ASH1L: variants seen among roughly 807,000 people sequenced by gnomAD.
The protein encoded by ASH1L is histone-lysine N-methyltransferase ASH1L.
Under a neutral mutation model 269.0 loss-of-function variants are expected in ASH1L, and 23 were observed. The ratio of observed to expected loss-of-function variants is 0.09; its 90% CI spans 0.06 to 0.12. The LOEUF (loss-of-function observed/expected upper bound fraction) is 0.12, where lower values mean the gene tolerates loss of function less well. Ranked by LOEUF, ASH1L falls within the 10% of genes least tolerant of loss-of-function variation. The pLI is 1.00. For synonymous variants in ASH1L, 1,187 were observed against 1,253.5 expected (o/e 0.95, Z 1.12); for missense variants, 2,912 against 3,567.8 (o/e 0.82, Z 4.68).
rs1239124643 is a variant in ASH1L at position 155,479,218 on chromosome 1, A to G, written c.3652T>C (p.Cys1218Arg). The change falls in exon 3 of 28, where the codon TGT becomes CGT. Residue 1218 changes from cysteine (C) to arginine (R), a missense_variant. By Grantham distance (180) the Cys-to-Arg change is radical. This residue lies in a region of ASH1L where 789 missense variants were observed against 897.6 expected (regional missense o/e 0.88). Transcript: ENST00000392403. Reference protein sequence around the residue: ...NSTSDRAEKFCGQKKRRHSFE... With the variant: ...NSTSDRAEKFRGQKKRRHSFE... Reference sequence around the variant, plus strand: ...GAATGCCTCCTCTTTTTTTGCCCACAAAATTTCTCTGCCCTGTCTGATGTG... The same window carrying G: ...GAATGCCTCCTCTTTTTTTGCCCACGAAATTTCTCTGCCCTGTCTGATGTG... 1 of 1,613,942 alleles carries G rather than the reference A, an allele frequency of 6.2e-7. No individual in the cohort carries two copies. The highest frequency in any genetic ancestry group is 8.5e-7 in the Non-Finnish European group (1 of 1,179,980).
chr1:155,457,600 CTG>C (rs1283290526), intron 4 of ASH1L, among the ~76,000 whole-genome samples: 1 of 152,166 alleles, frequency 6.6e-6, no homozygotes, highest in African/African-American at 2.4e-5. Context: ...TTGAATTTCT[CTG>C]TGTCATAGCA....
At chr1:155,413,362 C>T (rs563483501) in intron 6 of ASH1L, among the ~76,000 whole-genome samples, 49 of 152,084 alleles carry the variant, frequency 3.2e-4, no homozygotes, top group African/African-American at 1.2e-3. Context: ...TCCTAGCACT[C>T]TGGGAGGCAG....
chr1:155,432,255 C>A (rs1661667330), intron 5 of ASH1L, among the ~76,000 whole-genome samples: 1 of 152,184 alleles, frequency 6.6e-6, no homozygotes. Context: ...CTTTAAATAA[C>A]AGATGAAGCC....
intron 12 of ASH1L, among the ~76,000 whole-genome samples, chr1:155,367,360 T>A (rs1655527159): frequency 1.3e-5 from 2 of 152,248 alleles, no homozygotes; most frequent in Non-Finnish European, 2.9e-5. Context: ...CTCAATACAT[T>A]AATTTTTATA....
chr1:155,489,991 C>T (rs1240800120), intron 2 of ASH1L, among the ~76,000 whole-genome samples: 5 of 149,066 alleles, frequency 3.4e-5, no homozygotes, highest in African/African-American at 9.9e-5. Context: ...TTTTTTGAGA[C>T]GGAGTCTCGC....
At chr1:155,397,284 G>A (rs910595490) in intron 6 of ASH1L, among the ~76,000 whole-genome samples, 1 of 151,962 alleles carries the variant, frequency 6.6e-6, no homozygotes, top group African/African-American at 2.4e-5. Flanking sequence ...ATCACCTGAG[G>A]TCAGGAGTTC....
At chr1:155,409,878 G>A (rs915891136) in intron 6 of ASH1L, among the ~76,000 whole-genome samples, 5 of 151,966 alleles carry the variant, frequency 3.3e-5, no homozygotes, top group Non-Finnish European at 7.4e-5. Flanking sequence ...AAAAATGGTC[G>A]ATCTTGGCCA....
chr1:155,532,905 A>C (rs982371368), intron 1 of ASH1L, among the ~76,000 whole-genome samples: 1 of 148,430 alleles, frequency 6.7e-6, no homozygotes. Context: ...ATGTATGTAT[A>C]TGTATGTATG....
intron 2 of ASH1L, among the ~76,000 whole-genome samples, chr1:155,511,221 A>G (rs1054019553): frequency 1.3e-5 from 2 of 152,204 alleles, no homozygotes; most frequent in South Asian, 4.1e-4. Flanking sequence ...CACAGTTAAG[A>G]ACTCACTGGA....
At chr1:155,370,182 G>C (rs1655811909) in intron 12 of ASH1L, 2 of 329,610 alleles carry the variant, frequency 6.1e-6, no homozygotes, top group Non-Finnish European at 1.2e-5. Flanking sequence ...GGGACTACAG[G>C]TGTGTACCAC....
intron 1 of ASH1L, among the ~76,000 whole-genome samples, chr1:155,540,755 C>T (rs920648035): frequency 1.3e-5 from 2 of 151,818 alleles, no homozygotes; most frequent in Non-Finnish European, 2.9e-5. Flanking sequence ...AGTGACAACA[C>T]GAGACCCTGT....
chr1:155,502,244 G>C (rs1257095898), intron 2 of ASH1L, among the ~76,000 whole-genome samples: 2 of 151,004 alleles, frequency 1.3e-5, no homozygotes, highest in Non-Finnish European at 3.0e-5. Flanking sequence ...CTAATTTTTT[G>C]TATTTTTAGT....
At chr1:155,472,787 T>C (rs1243259188) in intron 3 of ASH1L, among the ~76,000 whole-genome samples, 2 of 152,332 alleles carry the variant, frequency 1.3e-5, no homozygotes, top group African/African-American at 4.8e-5. Flanking sequence ...TTATGTAAAA[T>C]TGCTACATTT....
chr1:155,475,297 C>T (rs1447686620), intron 3 of ASH1L, among the ~76,000 whole-genome samples: 5 of 152,056 alleles, frequency 3.3e-5, no homozygotes, highest in African/African-American at 7.2e-5. Flanking sequence ...CCACCATGCC[C>T]GGCTGATTTT....
intron 3 of ASH1L, 77 bp from the exon 4 acceptor site, chr1:155,459,975 C>CT: frequency 8.5e-7 from 1 of 1,178,320 alleles, no homozygotes; most frequent in Non-Finnish European, 1.2e-6. Context: ...TTTGTTAGAA[C>CT]TTGTTACAGT....
intron 4 of ASH1L, among the ~76,000 whole-genome samples, chr1:155,444,454 T>C (rs1213392158): frequency 6.6e-6 from 1 of 152,240 alleles, no homozygotes; most frequent in Non-Finnish European, 1.5e-5. Flanking sequence ...TTCTCATTTA[T>C]AAATTTAATT....
rs1558039336 is a variant in ASH1L, at chr1:155,370,942, C to T, written c.6374G>A (p.Gly2125Asp). The change falls in exon 11 of 28, where the codon GGC becomes GAC. Residue 2125 changes from glycine (G) to aspartate (D), a missense_variant. Gly to Asp is a moderately conservative substitution (Grantham distance 94, BLOSUM62 -1). Coordinates refer to ENST00000392403, the MANE Select transcript of ASH1L (RefSeq NM_018489.3). The stretch of plus-strand genomic sequence containing the variant: ...TATCCTCTGGTTACAGCATTGCTCG[C>T]CACATGGGCAAGTGTTGGGGGAACA... ...AECSPNTCPC[G>D]EQCCNQRIQR... The T allele has an allele frequency of 1.2e-6, 2 of 1,614,092 alleles. No individual in the cohort carries two copies. The highest frequency in any genetic ancestry group is 1.3e-5 in the African/African-American group (1 of 74,986).
chr1:155,438,826 T>C lies in ASH1L; in HGVS notation c.5329A>G (p.Asn1777Asp), dbSNP rs1662312219. Residue 1777 changes from asparagine to aspartate, a missense_variant, in exon 5 of 28, where the codon AAT (asparagine) becomes GAT (aspartate). Asn to Asp is a conservative substitution (Grantham distance 23). Around this residue, in one of 13 missense-constraint regions of ASH1L, gnomAD observed 789 missense variants for 897.6 expected, o/e 0.88. Coordinates refer to ENST00000392403, the MANE Select transcript of ASH1L (RefSeq NM_018489.3). ...TTTTCAGATAGGAGTGAGATGCTAT[T>C]ATTGCAAGAGTCACTTGTGACTGCA... ...VPAVTSDSCN[N>D]SISLLSEKLT... 3.1e-6 allele frequency: 5 copies of C among 1,614,222 alleles called. No homozygotes were observed. The highest frequency in any genetic ancestry group is 4.2e-6 in the Non-Finnish European group (5 of 1,180,040).
intron 1 of ASH1L, among the ~76,000 whole-genome samples, chr1:155,545,521 A>G (rs897414440): frequency 2.6e-5 from 4 of 151,960 alleles, no homozygotes; most frequent in Non-Finnish European, 1.5e-5. Flanking sequence ...GCAAGATCTC[A>G]TATTTGGAAA....
Sources: allele counts gnomAD v4.1 joint callset (sites outside exome capture counted in the v4.1 genomes callset), GRCh38; gene constraint gnomAD v4.1.1; regional missense constraint gnomAD v4.1.1; transcripts MANE v1.5; gene names NCBI Gene and HGNC (gene_info 2026-07-23, HGNC 2026-07-21).